CSMD1: variants seen among roughly 807,000 people sequenced by gnomAD.
CSMD1 encodes CUB and sushi domain-containing protein 1.
Under a neutral mutation model 417.5 loss-of-function variants are expected in CSMD1, and 213 were observed. The observed-to-expected ratio is 0.51, with a 90% confidence interval of 0.46 to 0.57. The LOEUF is 0.57. Ranked by LOEUF, CSMD1 falls within the 20% of genes least tolerant of loss-of-function variation. CSMD1 has a pLI of 0.00. For synonymous variants in CSMD1, 2,862 were observed against 1,736.8 expected (o/e 1.65, Z -16.11); for missense variants, 6,923 against 4,529.7 (o/e 1.53, Z -15.17).
chr8:4,901,158 G>C lies in CSMD1; in HGVS notation c.85+93174C>G, dbSNP rs1304032410. Among the ~76,000 whole-genome samples, 35 of 152,216 alleles carry C rather than the reference G, an allele frequency of 2.3e-4. 1 individual carries two copies. Among genetic ancestry groups the C allele is most frequent in the Admixed American group, 2.2e-3 (34 of 15,280 alleles). On this transcript the variant is annotated intron_variant, in intron 1 of 69. Coordinates refer to ENST00000635120, the MANE Select transcript of CSMD1 (RefSeq NM_033225.6). Reference sequence around the variant, plus strand: ...ATGTTCAAAGTGTCATCTGGGCTAAGAAAGATTTTCTTAAACCAAAAGTTA... The same window carrying C: ...ATGTTCAAAGTGTCATCTGGGCTAACAAAGATTTTCTTAAACCAAAAGTTA...
chr8:4,716,369 T>C (rs1364343491), intron 1 of CSMD1, among the ~76,000 whole-genome samples: 2 of 152,222 alleles, frequency 1.3e-5, no homozygotes, highest in Non-Finnish European at 2.9e-5. Flanking sequence ...AAGTGACTGA[T>C]CACTGAATTT....
chr8:4,088,940 T>A (rs549747698), intron 3 of CSMD1, among the ~76,000 whole-genome samples: 2 of 152,306 alleles, frequency 1.3e-5, no homozygotes, highest in Non-Finnish European at 2.9e-5. Flanking sequence ...TGCCAAGGTC[T>A]TTCCTGAATT....
intron 3 of CSMD1, among the ~76,000 whole-genome samples, chr8:4,291,322 C>T (rs754375089): frequency 6.6e-6 from 1 of 151,968 alleles, no homozygotes; most frequent in African/African-American, 2.4e-5. Flanking sequence ...GGATAATGAT[C>T]ATAATACTTT....
At chr8:4,536,373 A>G (rs1362049066) in intron 2 of CSMD1, among the ~76,000 whole-genome samples, 3 of 152,138 alleles carry the variant, frequency 2.0e-5, no homozygotes, top group Non-Finnish European at 4.4e-5. Context: ...TATTTTTTAA[A>G]TTTATCCTTA....
At chr8:3,373,104 T>C (rs1810076977) in intron 18 of CSMD1, among the ~76,000 whole-genome samples, 1 of 152,238 alleles carries the variant, frequency 6.6e-6, no homozygotes, top group Non-Finnish European at 1.5e-5. Flanking sequence ...CAGTGGTCTT[T>C]ATCCCAAAAT....
At chr8:3,876,671 G>A (rs7832691) in intron 5 of CSMD1, among the ~76,000 whole-genome samples, 37,287 of 151,974 alleles carry the variant, frequency 0.25, 5,957 homozygotes, top group African/African-American at 0.46. Flanking sequence ...GTGCAGTGGT[G>A]CTATCAGTGC....
At chr8:4,009,906 GC>G (rs1816413304) in intron 4 of CSMD1, among the ~76,000 whole-genome samples, 1 of 152,004 alleles carries the variant, frequency 6.6e-6, no homozygotes, top group Non-Finnish European at 1.5e-5. Flanking sequence ...AACAGTCCCT[GC>G]AAAAAGCCCT....
At chr8:3,340,443 A>G (rs541228508) in intron 23 of CSMD1, among the ~76,000 whole-genome samples, 24 of 152,172 alleles carry the variant, frequency 1.6e-4, no homozygotes, top group Non-Finnish European at 2.2e-4. Context: ...TAATCTACTC[A>G]TGTATATGCA....
chr8:4,783,968 T>A (rs1006773093), intron 1 of CSMD1, among the ~76,000 whole-genome samples: 1 of 152,122 alleles, frequency 6.6e-6, no homozygotes, highest in African/African-American at 2.4e-5. Context: ...TTCCCACAGA[T>A]TGGATGAGGT....
intron 41 of CSMD1, 69 bp downstream of exon 41, chr8:3,142,396 A>G: frequency 7.6e-7 from 1 of 1,317,994 alleles, no homozygotes; most frequent in Non-Finnish European, 1.1e-6. Context: ...GGAGATTTAT[A>G]CTTAAATACA....
chr8:3,255,380 C>G (rs558938989), intron 26 of CSMD1, among the ~76,000 whole-genome samples: 12 of 152,292 alleles, frequency 7.9e-5, no homozygotes, highest in African/African-American at 2.2e-4. Context: ...GGGAGAACCA[C>G]TACTCTATGT....
At chr8:3,424,253 G>C (rs76122450) in intron 12 of CSMD1, among the ~76,000 whole-genome samples, 2,111 of 152,166 alleles carry the variant, frequency 0.014, 48 homozygotes, top group East Asian at 0.099. Context: ...GATTCAATTA[G>C]AGTTTATCAT....
At chr8:4,118,059 G>A (rs1025122633) in intron 3 of CSMD1, among the ~76,000 whole-genome samples, 1 of 151,924 alleles carries the variant, frequency 6.6e-6, no homozygotes, top group Non-Finnish European at 1.5e-5. Flanking sequence ...ACAATGAAGG[G>A]TGTAACATCG....
At chr8:3,336,119 C>T (rs748816903) in intron 23 of CSMD1, among the ~76,000 whole-genome samples, 1 of 151,956 alleles carries the variant, frequency 6.6e-6, no homozygotes, top group Admixed American at 6.6e-5. Context: ...GAACCATGGG[C>T]AGGTTTCTCC....
At chr8:3,711,477 G>A (rs548762792) in intron 6 of CSMD1, among the ~76,000 whole-genome samples, 9 of 152,276 alleles carry the variant, frequency 5.9e-5, no homozygotes, top group African/African-American at 2.2e-4. Context: ...AAAGGGCGCT[G>A]GTTCATGAAC....
At chr8:4,446,761 G>GTGTGTGTCTGTGTGTCTGTGTGTGTC (rs1798830028) in intron 2 of CSMD1, among the ~76,000 whole-genome samples, 1 of 69,014 alleles carries the variant, frequency 1.4e-5, no homozygotes, top group African/African-American at 8.5e-5. Flanking sequence ...GTGTCTGTGT[G>GTGTGTGTCTGTGTGTCTGTGTGTGTC]TGTGTGTGTG....
chr8:3,541,780 GTTC>G (rs1480122361), intron 10 of CSMD1, among the ~76,000 whole-genome samples: 1 of 150,590 alleles, frequency 6.6e-6, no homozygotes, highest in Non-Finnish European at 1.5e-5. Context: ...AACTACAGCT[GTTC>G]TTTTTAAAAA....
intron 5 of CSMD1, among the ~76,000 whole-genome samples, chr8:3,952,151 G>A (rs1052529062): frequency 1.3e-5 from 2 of 152,120 alleles, no homozygotes; most frequent in Non-Finnish European, 2.9e-5. Flanking sequence ...TATGGTCGCA[G>A]AAACCTTCAA....
At chr8:4,194,573 C>A (rs995819946) in intron 3 of CSMD1, among the ~76,000 whole-genome samples, 16 of 152,040 alleles carry the variant, frequency 1.1e-4, no homozygotes, top group African/African-American at 2.2e-4. Context: ...AAAAGTACGC[C>A]ATTTTCTTTT....
Sources: gnomAD v4.1 joint callset for allele counts (sites outside exome capture counted in the v4.1 genomes callset) on GRCh38, gnomAD v4.1.1 for gene constraint, MANE v1.5 for transcripts, NCBI Gene and HGNC (gene_info 2026-07-23, HGNC 2026-07-21) for gene names.